Variants in TEAD1 observed in about 807,000 individuals in gnomAD.
TEAD1 encodes the protein transcriptional enhancer factor TEF-1.
TEAD1 carries 9 observed loss-of-function variants against 54.9 expected under a neutral mutation model. That is an observed-to-expected ratio of 0.16 (90% CI 0.10 to 0.29). The LOEUF is 0.29. Among genes scored for constraint, TEAD1 ranks in the 10% least tolerant of loss-of-function variants. TEAD1 has a pLI of 1.00. For synonymous variants in TEAD1, 200 were observed against 187.8 expected, an observed-to-expected ratio of 1.07 and a Z score of -0.53; for missense variants, 387 against 535.9, an observed-to-expected ratio of 0.72 and a Z score of 2.74.
At position 12,844,263 on chromosome 11, in the gene TEAD1, A is replaced by G. The variant is rs183785143; in HGVS notation, c.203-17987A>G. On this transcript the variant is annotated intron_variant, in intron 3 of 12. Coordinates refer to ENST00000527636, the MANE Select transcript of TEAD1 (RefSeq NM_021961.6). ...AGAAGACAAATTTTAATCCAAGGTT[A>G]AAAACTTCACATTTGCTTATCTCTT... Among the ~76,000 whole-genome samples the G allele has an allele frequency of 2.1e-3, 325 of 152,310 alleles. 1 individual carries two copies. The highest frequency in any genetic ancestry group is 7.4e-3 in the African/African-American group (306 of 41,570).
At position 12,768,325 on chromosome 11, in the gene TEAD1, T is replaced by C. The variant is rs566960451; in HGVS notation, c.202+3891T>C. 1.6e-4 allele frequency among the ~76,000 whole-genome samples: 24 copies of C among 152,340 alleles called. No homozygotes were observed. In the South Asian group the frequency reaches 3.1e-3, roughly 20 times the overall value. ...GAAGAATTAAATGAACTAATTGTTA[T>C]CTGGAACACCACCACCCCCTGCAAT... On this transcript the variant is annotated intron_variant, in intron 3 of 12. Coordinates refer to ENST00000527636, the MANE Select transcript of TEAD1 (RefSeq NM_021961.6).
intron 3 of TEAD1, among the ~76,000 whole-genome samples, chr11:12,822,208 C>G (rs1299441259): frequency 6.6e-6 from 1 of 152,054 alleles, no homozygotes; most frequent in Non-Finnish European, 1.5e-5. Flanking sequence ...ATTATCCGCC[C>G]GCCTCGGCCT....
intron 2 of TEAD1, among the ~76,000 whole-genome samples, chr11:12,722,143 G>GT: frequency 6.6e-6 from 1 of 152,218 alleles, no homozygotes; most frequent in Admixed American, 6.5e-5. Flanking sequence ...AACCTCTTCA[G>GT]TTTAAGGAGG....
At chr11:12,884,781 C>G (rs1036581045) in intron 9 of TEAD1, among the ~76,000 whole-genome samples, 2 of 152,128 alleles carry the variant, frequency 1.3e-5, no homozygotes, top group Non-Finnish European at 2.9e-5. Flanking sequence ...ATGACTCCTT[C>G]CAAGCAGCTG....
chr11:12,901,974 C>T lies in TEAD1; in HGVS notation c.734C>T (p.Ala245Val), dbSNP rs1308853181. ...CACCTCTTCGTGCACATTGGGCATG[C>T]CAACCATTCTTACAGTGACCCATTG... The change falls in exon 10 of 13, where the codon GCC becomes GTC. Residue 245 changes from alanine (A) to valine (V), a missense_variant. By Grantham distance (64) the Ala-to-Val change is moderately conservative. Transcript: ENST00000527636. 1.2e-6 allele frequency: 2 copies of T among 1,614,202 alleles called. No homozygotes were observed. Among genetic ancestry groups the T allele is most frequent in the East Asian group, 4.5e-5 (2 of 44,892 alleles).
chr11:12,790,218 G>T (rs1312133464), intron 3 of TEAD1, among the ~76,000 whole-genome samples: 1 of 152,246 alleles, frequency 6.6e-6, no homozygotes, highest in Non-Finnish European at 1.5e-5. Flanking sequence ...CCTGTCTGCA[G>T]CAGGGCCAGA....
chr11:12,856,338 A>G (rs890841957), intron 3 of TEAD1, among the ~76,000 whole-genome samples: 2 of 152,100 alleles, frequency 1.3e-5, no homozygotes, highest in Non-Finnish European at 2.9e-5. Flanking sequence ...TGCTGAAATG[A>G]TATCACATAA....
At chr11:12,894,619 G>A (rs1265102123) in intron 9 of TEAD1, among the ~76,000 whole-genome samples, 6 of 152,076 alleles carry the variant, frequency 3.9e-5, no homozygotes, top group Non-Finnish European at 7.4e-5. Context: ...AAATGCGGAC[G>A]CCAGACCCCA....
intron 3 of TEAD1, among the ~76,000 whole-genome samples, chr11:12,797,627 G>A (rs969517721): frequency 1.3e-5 from 2 of 151,200 alleles, no homozygotes; most frequent in Non-Finnish European, 2.9e-5. Flanking sequence ...TATCTTTAAG[G>A]TTTTATTTAT....
rs188660832 is a variant in TEAD1 at position 12,791,516 on chromosome 11, T to C, written c.202+27082T>C. Among the ~76,000 whole-genome samples the C allele has an allele frequency of 3.7e-3, 570 of 152,332 alleles. 12 individuals carry two copies. Among genetic ancestry groups the C allele is most frequent in the Non-Finnish European group, 2.8e-3 (188 of 68,026 alleles). ...TTCTGGGGTGGGCAGGTCCTTCTTA[T>C]AGACGGTTTTGTGACTAAGATACCT... On this transcript the variant is annotated intron_variant, in intron 3 of 12. Transcript: ENST00000527636.
At position 12,682,734 on chromosome 11, in the gene TEAD1, G is replaced by A. The variant is rs547865218; in HGVS notation, c.-55+7173G>A. 2.3e-3 allele frequency among the ~76,000 whole-genome samples: 348 copies of A among 152,242 alleles called. 6 individuals carry two copies. The highest frequency in any genetic ancestry group is 0.014 in the Middle Eastern group (4 of 294). The stretch of plus-strand genomic sequence containing the variant: ...TGTGTGCCAGGGATTTAGTAATTAG[G>A]AAAAGGTGGCTAATGAACAGCGATC... On this transcript the variant is annotated intron_variant, in intron 2 of 12. Coordinates refer to ENST00000527636, the MANE Select transcript of TEAD1 (RefSeq NM_021961.6).
intron 2 of TEAD1, among the ~76,000 whole-genome samples, chr11:12,716,499 T>C (rs1338834194): frequency 1.3e-5 from 2 of 152,168 alleles, no homozygotes; most frequent in Admixed American, 6.5e-5. Flanking sequence ...ATTTTTGAGG[T>C]CTCATTTTTA....
chr11:12,906,541 CA>C (rs57220080), intron 10 of TEAD1, among the ~76,000 whole-genome samples: 85,417 of 143,040 alleles, frequency 0.6, 25,893 homozygotes, highest in Middle Eastern at 0.72. Flanking sequence ...GACTCCTTCT[CA>C]AAAAAAAAAA....
chr11:12,847,613 T>C (rs1235413172), intron 3 of TEAD1, among the ~76,000 whole-genome samples: 1 of 152,166 alleles, frequency 6.6e-6, no homozygotes, highest in African/African-American at 2.4e-5. Context: ...CAAAAACTGA[T>C]TTGCCCATGT....
intron 2 of TEAD1, among the ~76,000 whole-genome samples, chr11:12,713,344 C>T (rs954439534): frequency 2.6e-4 from 39 of 152,296 alleles, no homozygotes; most frequent in Admixed American, 3.9e-4. Context: ...TAATGTGAGG[C>T]TCCTCAAACC....
intron 3 of TEAD1, among the ~76,000 whole-genome samples, chr11:12,811,775 C>T (rs1946305711): frequency 8.0e-6 from 1 of 124,792 alleles, no homozygotes; most frequent in African/African-American, 3.0e-5. Context: ...AGTGGAGTGG[C>T]CCCGAATCCA....
intron 2 of TEAD1, among the ~76,000 whole-genome samples, chr11:12,739,198 T>A (rs914602642): frequency 3.0e-4 from 44 of 146,956 alleles, no homozygotes; most frequent in Admixed American, 5.3e-4. Context: ...GTCTCATTCT[T>A]TCTATCTATC....
intron 11 of TEAD1, among the ~76,000 whole-genome samples, chr11:12,925,997 T>C (rs1252368996): frequency 6.6e-6 from 1 of 152,236 alleles, no homozygotes; most frequent in African/African-American, 2.4e-5. Context: ...AGATGTATAT[T>C]TGTTTGATCA....
intron 3 of TEAD1, among the ~76,000 whole-genome samples, chr11:12,786,932 A>G (rs1225822899): frequency 5.3e-5 from 8 of 152,202 alleles, no homozygotes; most frequent in Non-Finnish European, 1.2e-4. Flanking sequence ...CACCACAGAC[A>G]TCAAAGCTCG....
Sources: allele counts gnomAD v4.1 joint callset (sites outside exome capture counted in the v4.1 genomes callset), GRCh38; gene constraint gnomAD v4.1.1; transcripts MANE v1.5; gene names NCBI Gene and HGNC (gene_info 2026-07-23, HGNC 2026-07-21).